The following PAXIP1 variants were observed in gnomAD, a reference collection of about 807,000 sequenced individuals.
PAXIP1 encodes PAX interacting protein 1, also known as PAX-interacting protein 1.
A neutral mutation model predicts 140.6 loss-of-function variants in PAXIP1; 19 were observed. That is an observed-to-expected ratio of 0.14 (90% CI 0.09 to 0.20). The LOEUF is 0.20. PAXIP1 is among the 10% of genes least tolerant of loss of function. PAXIP1 has a pLI of 1.00. For synonymous variants in PAXIP1, 442 were observed against 444.6 expected (o/e 0.99, Z 0.07); for missense variants, 920 against 1,208.6 (o/e 0.76, Z 3.54).
At chr7:154,965,469 T>G (rs917605961) in intron 8 of PAXIP1, 1 of 152,228 alleles carries the variant, frequency 6.6e-6, no homozygotes, top group Non-Finnish European at 1.5e-5. Context: ...CACCTATACT[T>G]AAGCAACACA....
At chr7:154,952,035 A>G (rs926824387) in intron 16 of PAXIP1, 1 of 152,228 alleles carries the variant, frequency 6.6e-6, no homozygotes, top group African/African-American at 2.4e-5. Context: ...TCTAAACTGT[A>G]TAACATTATA....
chr7:154,998,527 A>T (rs563745922), intron 2 of PAXIP1, 123 bp downstream of exon 2: 20 of 543,812 alleles, frequency 3.7e-5, no homozygotes, highest in Non-Finnish European at 5.2e-5. Flanking sequence ...AATAAATAAA[A>T]AATAAAAATA....
In PAXIP1 at chr7:154,957,739, G is replaced by A. The variant is rs529838671; in HGVS notation, c.2479-445C>T. Among the ~76,000 whole-genome samples the A allele has an allele frequency of 7.9e-5, 12 of 151,242 alleles. No individual in the cohort carries two copies. The South Asian group carries it at 8.4e-4, about 11-fold the overall frequency. ...TCCCAGCACTTTGGGAGGCCGAGGCGGGTGGATCATGAGGTCAGGAGATCG... is the reference window on the plus strand; with the variant it reads ...TCCCAGCACTTTGGGAGGCCGAGGCAGGTGGATCATGAGGTCAGGAGATCG... On this transcript the variant is annotated intron_variant, in intron 13 of 20. Coordinates refer to ENST00000404141, the MANE Select transcript of PAXIP1 (RefSeq NM_007349.4).
chr7:154,969,979 G>A (rs1235927979), intron 6 of PAXIP1, among the ~76,000 whole-genome samples: 2 of 152,218 alleles, frequency 1.3e-5, no homozygotes, highest in East Asian at 3.9e-4. Flanking sequence ...GCTTCACAAT[G>A]ACAGGGAATA....
At position 154,970,353 on chromosome 7, in the gene PAXIP1, T is replaced by C. The variant is rs143000675; in HGVS notation, c.1075-1227A>G. ...TTAAACAGATTCCAAATTGCAAAGA[T>C]TATATGACCTGCAAGGGTAACAGAT... is the stretch of plus-strand genomic sequence containing the variant. On this transcript the variant is annotated intron_variant, in intron 6 of 20. Transcript: ENST00000404141. Among the ~76,000 whole-genome samples, 514 of 152,332 alleles carry C rather than the reference T, an allele frequency of 3.4e-3. 2 individuals carry two copies. Among genetic ancestry groups the C allele is most frequent in the African/African-American group, 0.011 (466 of 41,572 alleles).
At chr7:154,961,445 A>C in intron 11 of PAXIP1, 82 bp downstream of exon 11, 1 of 1,168,882 alleles carries the variant, frequency 8.6e-7, no homozygotes, top group African/African-American at 1.5e-5. Flanking sequence ...ACTATGACAT[A>C]CTAAAAAAGG....
In PAXIP1 at chr7:154,968,795, T is replaced by C; in HGVS notation, c.1406A>G (p.Gln469Arg). Reference sequence around the variant, plus strand: ...AGGATGCAACTGTTGCTGTGGAAACTGTAGCTGTTGCTGTGAAAACTGATG... The same window carrying C: ...AGGATGCAACTGTTGCTGTGGAAACCGTAGCTGTTGCTGTGAAAACTGATG... Reference protein sequence around the residue: ...HPHQFSQQQLQFPQQQLHPPQ... With the variant: ...HPHQFSQQQLRFPQQQLHPPQ... Residue 469 changes from glutamine (Q) to arginine (R), a missense_variant, in exon 7 of 21, where the codon CAG (glutamine) becomes CGG (arginine). Around this residue, in one of 5 missense-constraint regions of PAXIP1, gnomAD observed 133 missense variants for 88.4 expected, o/e 1.50. Coordinates refer to ENST00000404141, the MANE Select transcript of PAXIP1 (RefSeq NM_007349.4). 2.8e-6 allele frequency: 2 copies of C among 723,412 alleles called. No individual in the cohort carries two copies. The highest frequency in any genetic ancestry group is 1.5e-5 in the South Asian group (1 of 67,682). The allele number at this position is 723,412 out of a possible 1,614,324, so 44.8% of individuals were successfully genotyped here.
intron 1 of PAXIP1, 62 bp downstream of exon 1, chr7:155,002,787 G>GGGAC (rs1810985236): frequency 1.0e-6 from 1 of 963,646 alleles, no homozygotes; most frequent in South Asian, 2.2e-5. Context: ...GACGGGGACG[G>GGGAC]GGACGGGGAC....
chr7:154,990,948 A>T (rs1186789427), intron 4 of PAXIP1, 58 bp downstream of exon 4: 16 of 1,032,864 alleles, frequency 1.5e-5, no homozygotes, highest in Non-Finnish European at 2.1e-5. Flanking sequence ...ATCCAACCAT[A>T]CAAAAACTCA....
intron 2 of PAXIP1, among the ~76,000 whole-genome samples, chr7:154,998,235 C>T (rs752534391): frequency 1.3e-5 from 2 of 152,174 alleles, no homozygotes; most frequent in African/African-American, 4.8e-5. Flanking sequence ...AGGGCCAGCA[C>T]GGTGGCTCAT....
intron 6 of PAXIP1, among the ~76,000 whole-genome samples, chr7:154,969,453 T>C (rs1031932901): frequency 7.9e-5 from 12 of 152,246 alleles, no homozygotes; most frequent in Non-Finnish European, 1.8e-4. Context: ...TGTGCACACC[T>C]GGTAGCTAAG....
In PAXIP1 at chr7:154,956,066, A is replaced by G. The variant is rs1400523080; in HGVS notation, c.2550-435T>C. Among the ~76,000 whole-genome samples, 2 of 152,216 alleles carry G rather than the reference A, an allele frequency of 1.3e-5. No individual in the cohort carries two copies. Among genetic ancestry groups the G allele is most frequent in the African/African-American group, 4.8e-5 (2 of 41,450 alleles). On this transcript the variant is annotated intron_variant, in intron 14 of 20. Coordinates refer to ENST00000404141, the MANE Select transcript of PAXIP1 (RefSeq NM_007349.4). This position sits in a 1 kb window ranked among gnomAD's most constrained non-coding sequence, Gnocchi z 4.2. ...TTCCTTGTTTGCACGTTCACCATCA[A>G]TACAAGTCAGCCAAGACGAGTGTCG...
chr7:154,994,840 C>G (rs1034744260), intron 2 of PAXIP1, among the ~76,000 whole-genome samples: 1 of 152,198 alleles, frequency 6.6e-6, no homozygotes, highest in Non-Finnish European at 1.5e-5. Context: ...AAGGTTTTAA[C>G]TAAGTTACTG....
chr7:154,966,799 T>A (rs902140508), intron 8 of PAXIP1, among the ~76,000 whole-genome samples: 1 of 152,098 alleles, frequency 6.6e-6, no homozygotes, highest in African/African-American at 2.4e-5. Flanking sequence ...TTCACCTGCA[T>A]CTAAACTTCA....
chr7:154,980,329 T>C (rs1809781658), intron 5 of PAXIP1, among the ~76,000 whole-genome samples: 1 of 152,198 alleles, frequency 6.6e-6, no homozygotes, highest in South Asian at 2.1e-4. Context: ...TTACAACAGA[T>C]ATACAACATT....
chr7:154,951,906 A>G (rs1410633800), intron 16 of PAXIP1: 1 of 152,222 alleles, frequency 6.6e-6, no homozygotes, highest in African/African-American at 2.4e-5. Flanking sequence ...GGAGCCAACC[A>G]GAGGCTGGAA....
At chr7:154,992,245 A>G (rs1810366329) in intron 3 of PAXIP1, among the ~76,000 whole-genome samples, 1 of 152,114 alleles carries the variant, frequency 6.6e-6, no homozygotes, top group African/African-American at 2.4e-5. Flanking sequence ...TAGGCAAGTA[A>G]GAGCTCAAAG....
intron 20 of PAXIP1, 85 bp from the exon 21 acceptor site, chr7:154,944,249 TCA>T: frequency 8.3e-7 from 1 of 1,201,358 alleles, no homozygotes; most frequent in Non-Finnish European, 1.2e-6. Context: ...TCATCCAGTT[TCA>T]GAGACACCCT....
At chr7:154,947,845 T>G in intron 17 of PAXIP1, 58 bp downstream of exon 17, 1 of 1,219,398 alleles carries the variant, frequency 8.2e-7, no homozygotes, top group Non-Finnish European at 1.2e-6. Flanking sequence ...GTAGTTCCCT[T>G]GAGCAGGTCC....
Sources: allele counts gnomAD v4.1 joint callset (sites outside exome capture counted in the v4.1 genomes callset), GRCh38; gene constraint gnomAD v4.1.1; regional missense constraint gnomAD v4.1.1; non-coding constraint Gnocchi (gnomAD v3.1); transcripts MANE v1.5; gene names NCBI Gene and HGNC (gene_info 2026-07-23, HGNC 2026-07-21).